MICAL2: variants seen among roughly 807,000 people sequenced by gnomAD.
MICAL2 encodes the protein microtubule associated monooxygenase, calponin and LIM domain containing 2, also known as [F-actin]-monooxygenase MICAL2.
Under a neutral mutation model 127.3 loss-of-function variants are expected in MICAL2, and 77 were observed. The ratio of observed to expected loss-of-function variants is 0.60; its 90% CI spans 0.50 to 0.73. The LOEUF (loss-of-function observed/expected upper bound fraction) is 0.73. Ranked by LOEUF, MICAL2 falls within the 30% of genes least tolerant of loss-of-function variation. MICAL2 has a pLI of 0.00. For missense variants in MICAL2, 1,351 were observed against 1,434.4 expected (o/e 0.94, Z 0.94); for synonymous variants, 570 against 551.1 (o/e 1.03, Z -0.48).
chr11:12,302,500 T>C (rs2134806805), intron 29 of MICAL2, among the ~76,000 whole-genome samples: 1 of 152,356 alleles, frequency 6.6e-6, no homozygotes, highest in South Asian at 2.1e-4. Context: ...ATGGTTTTAA[T>C]TTGCATTTGC....
exon 35 of MICAL2, chr11:12,358,373 A>G (rs566980958): frequency 1.2e-6 from 2 of 1,614,176 alleles, no homozygotes; most frequent in African/African-American, 2.7e-5. Flanking sequence ...GAGCAAAGGG[A>G]CAAACTCGTC....
chr11:12,275,050 G>A (rs1233565705), upstream of MICAL2, among the ~76,000 whole-genome samples: 1 of 152,114 alleles, frequency 6.6e-6, no homozygotes, highest in Non-Finnish European at 1.5e-5. Context: ...GACGTGTTTT[G>A]AAGGCAGACC....
At chr11:12,233,230 C>T (rs77277278) in intron 15 of MICAL2, among the ~76,000 whole-genome samples, 6,021 of 152,262 alleles carry the variant, frequency 0.04, 420 homozygotes, top group African/African-American at 0.14. Context: ...ATATAAGATC[C>T]CTTCTTATAG....
chr11:12,169,898 C>T (rs2133866821), intron 3 of MICAL2, among the ~76,000 whole-genome samples: 1 of 152,308 alleles, frequency 6.6e-6, no homozygotes, highest in Non-Finnish European at 1.5e-5. Flanking sequence ...AAGAGCCCTT[C>T]TTTAAAAAGA....
At chr11:12,141,063 C>T (rs1852303665) in intron 2 of MICAL2, among the ~76,000 whole-genome samples, 1 of 152,100 alleles carries the variant, frequency 6.6e-6, no homozygotes, top group Admixed American at 6.5e-5. Flanking sequence ...TCATGGGCTC[C>T]GGGAGGCAGT....
chr11:12,358,559 C>A, downstream of MICAL2: 1 of 1,384,096 alleles, frequency 7.2e-7, no homozygotes, highest in Non-Finnish European at 9.9e-7. Flanking sequence ...ATGGGTCTTT[C>A]TGCAGGATTT....
chr11:12,283,246 A>G (rs893612851), intron 2 of MICAL2, among the ~76,000 whole-genome samples: 2 of 151,640 alleles, frequency 1.3e-5, no homozygotes, highest in Non-Finnish European at 2.9e-5. Flanking sequence ...ATTAACCACA[A>G]TTCTCACCTG....
In MICAL2 at chr11:12,223,807, G is replaced by A. The variant is rs116594398; in HGVS notation, c.1540+306G>A. 9.0e-3 allele frequency among the ~76,000 whole-genome samples: 1,374 copies of A among 152,310 alleles called. 20 individuals carry two copies. Among genetic ancestry groups the A allele is most frequent in the African/African-American group, 0.031 (1,309 of 41,564 alleles). On this transcript the variant is annotated intron_variant, in intron 12 of 27. Transcript: ENST00000683283. ...TGTTCTTATTTTCCTGTTGTTTCCTGCATGGGGGCCTTGTCCCCTTAAGTA... is the reference window on the plus strand; with the variant it reads ...TGTTCTTATTTTCCTGTTGTTTCCTACATGGGGGCCTTGTCCCCTTAAGTA...
Position 12,236,272 on chromosome 11 carries a change from CAG to C in MICAL2, c.2064+30_2064+31del, listed in dbSNP as rs757844867. 122 of 1,609,036 alleles carry C rather than the reference CAG, an allele frequency of 7.6e-5. 1 individual carries two copies. The African/African-American group carries it at 1.1e-3, about 15-fold the overall frequency. On this transcript the variant is annotated intron_variant, in intron 16 of 27. Coordinates refer to ENST00000683283, the MANE Select transcript of MICAL2 (RefSeq NM_001282663.2). ...TTTGTGTACACAGTGTGGCTTTAAACAGAGGCTCGTTTCCTGACAACCAGTGG... is the reference window on the plus strand; with the variant it reads ...TTTGTGTACACAGTGTGGCTTTAAACAGGCTCGTTTCCTGACAACCAGTGG...
intron 2 of MICAL2, among the ~76,000 whole-genome samples, chr11:12,282,206 CTT>C (rs1276545600): frequency 2.0e-5 from 3 of 152,134 alleles, no homozygotes; most frequent in Non-Finnish European, 4.4e-5. Flanking sequence ...AAAAGTGACA[CTT>C]TTTAAAAAGG....
chr11:12,315,628 CTTA>C (rs1864223745), intron 29 of MICAL2, among the ~76,000 whole-genome samples: 3 of 152,146 alleles, frequency 2.0e-5, no homozygotes, highest in Admixed American at 6.5e-5. Flanking sequence ...TTTCAATCTC[CTTA>C]GAACTTTATC....
chr11:12,288,618 A>G (rs1863856273), downstream of MICAL2, among the ~76,000 whole-genome samples: 1 of 152,216 alleles, frequency 6.6e-6, no homozygotes, highest in Non-Finnish European at 1.5e-5. Flanking sequence ...AGTTTTGATC[A>G]TTTCAATCAG....
intron 15 of MICAL2, among the ~76,000 whole-genome samples, chr11:12,229,458 G>A (rs1857915481): frequency 6.6e-6 from 1 of 152,184 alleles, no homozygotes; most frequent in South Asian, 2.1e-4. Context: ...TCTACCTCCA[G>A]CCCAAGGACC....
At chr11:12,232,116 C>T (rs1486765769) in intron 15 of MICAL2, among the ~76,000 whole-genome samples, 1 of 152,190 alleles carries the variant, frequency 6.6e-6, no homozygotes, top group East Asian at 1.9e-4. Flanking sequence ...GTGGAAGGTG[C>T]TTAGTAAATG....
intron 3 of MICAL2, among the ~76,000 whole-genome samples, chr11:12,189,216 G>T (rs1277350265): frequency 6.6e-6 from 1 of 152,094 alleles, no homozygotes; most frequent in Admixed American, 6.6e-5. Flanking sequence ...GCTGTAAGTG[G>T]CTTCCTTCCA....
At chr11:12,269,009 A>G (rs77406382) in intron 24 of MICAL2, among the ~76,000 whole-genome samples, 2,074 of 152,216 alleles carry the variant, frequency 0.014, 52 homozygotes, top group African/African-American at 0.045. Flanking sequence ...AAGGAAAAAA[A>G]AAAATAAGAG....
chr11:12,267,596 G>A (rs1038993922), downstream of MICAL2, among the ~76,000 whole-genome samples: 8 of 151,936 alleles, frequency 5.3e-5, no homozygotes, highest in Admixed American at 1.3e-4. Flanking sequence ...CAAAACAGCC[G>A]GATTATCCTT....
At chr11:12,293,624 T>G, downstream of MICAL2, 1 of 1,613,852 alleles carries the variant, frequency 6.2e-7, no homozygotes, top group Non-Finnish European at 8.5e-7. Flanking sequence ...CACCCCAAAC[T>G]TTCGGAGGCG....
chr11:12,258,815 G>A (rs1862686930), intron 25 of MICAL2, among the ~76,000 whole-genome samples: 1 of 152,352 alleles, frequency 6.6e-6, no homozygotes, highest in East Asian at 1.9e-4. Context: ...GGAAGAGCTT[G>A]CCCATGTGGC....
Sources: gnomAD v4.1 joint callset for allele counts (sites outside exome capture counted in the v4.1 genomes callset) on GRCh38, gnomAD v4.1.1 for gene constraint, MANE v1.5 for transcripts, NCBI Gene and HGNC (gene_info 2026-07-23, HGNC 2026-07-21) for gene names.